Variants in DYNC1I1 observed in about 807,000 individuals in gnomAD.
DYNC1I1 encodes the protein dynein cytoplasmic 1 intermediate chain 1, also known as cytoplasmic dynein 1 intermediate chain 1.
A neutral mutation model predicts 86.6 loss-of-function variants in DYNC1I1; 43 were observed. That is an observed-to-expected ratio of 0.50 (90% CI 0.39 to 0.64). The LOEUF (loss-of-function observed/expected upper bound fraction) is 0.64, where lower values mean the gene tolerates loss of function less well. Among genes scored for constraint, DYNC1I1 ranks in the 30% least tolerant of loss-of-function variants. The pLI, the probability that DYNC1I1 is intolerant of heterozygous loss-of-function variation, is 0.00. For synonymous variants in DYNC1I1, 262 were observed against 283.7 expected (o/e 0.92, Z 0.77); for missense variants, 604 against 788.8 (o/e 0.77, Z 2.81).
At chr7:95,848,009 G>T (rs1002676918) in intron 5 of DYNC1I1, among the ~76,000 whole-genome samples, 1 of 151,836 alleles carries the variant, frequency 6.6e-6, no homozygotes, top group Non-Finnish European at 1.5e-5. Flanking sequence ...AAATAAAATT[G>T]TATGTATTTA....
chr7:96,074,550 C>CAAAAAAA (rs61571160), intron 14 of DYNC1I1, among the ~76,000 whole-genome samples: 1 of 66,950 alleles, frequency 1.5e-5, no homozygotes, highest in African/African-American at 5.2e-5. Flanking sequence ...GACTCCGTCT[C>CAAAAAAA]AAAAAAAAAA....
rs1000795411 is a variant in DYNC1I1, at chr7:96,053,745, T to TA, written c.1509+14324_1509+14325insA. On this transcript the variant is annotated intron_variant, in intron 14 of 16. Transcript: ENST00000447467. ...TTCACAATTTAGTGCATACTTACACTTTTTTTTAGAATAGGATATTGCTTT... is the reference window on the plus strand; with the variant it reads ...TTCACAATTTAGTGCATACTTACACTATTTTTTTAGAATAGGATATTGCTTT... Among the ~76,000 whole-genome samples the TA allele has an allele frequency of 1.9e-4, 17 of 90,220 alleles. 1 individual carries two copies. Among genetic ancestry groups the TA allele is most frequent in the African/African-American group, 5.8e-4 (13 of 22,244 alleles). The allele number at this position is 90,220 out of a possible 152,430, so 59.2% of individuals were successfully genotyped here.
rs548035375 is a variant in DYNC1I1 at position 95,985,769 on chromosome 7, C to A, written c.743+792C>A. On this transcript the variant is annotated intron_variant, in intron 8 of 16. Coordinates refer to ENST00000447467, the MANE Select transcript of DYNC1I1 (RefSeq NM_001135556.2). ...CAAATACATTCTTAAAGGACGATAT[C>A]TTATCATCATTGAGGATGCTCAAGG... 3.3e-5 allele frequency among the ~76,000 whole-genome samples: 5 copies of A among 152,162 alleles called. No homozygotes were observed. The East Asian group carries it at 7.8e-4, about 24-fold the overall frequency.
chr7:96,046,872 G>A (rs1184028181), intron 14 of DYNC1I1, among the ~76,000 whole-genome samples: 1 of 152,144 alleles, frequency 6.6e-6, no homozygotes, highest in Non-Finnish European at 1.5e-5. Context: ...GTTAGAGGTA[G>A]GAAATCAGTG....
Position 95,783,119 on chromosome 7 carries a change from C to T in DYNC1I1, c.-10+10346C>T, listed in dbSNP as rs145795435. ...TTGGTTTCCAGGCTTGAGGGTGGAG[C>T]GTTTGCTGGGAACCACCCTCTTCTA... On this transcript the variant is annotated intron_variant, in intron 1 of 16. Coordinates refer to ENST00000447467, the MANE Select transcript of DYNC1I1 (RefSeq NM_001135556.2). 5.6e-3 allele frequency among the ~76,000 whole-genome samples: 850 copies of T among 152,180 alleles called. 11 individuals carry two copies. Among genetic ancestry groups the T allele is most frequent in the Non-Finnish European group, 4.3e-3 (294 of 67,992 alleles).
intron 10 of DYNC1I1, among the ~76,000 whole-genome samples, chr7:96,025,036 C>T (rs1418814410): frequency 3.3e-5 from 5 of 152,008 alleles, no homozygotes; most frequent in Admixed American, 3.3e-4. Flanking sequence ...ATAAATATAT[C>T]TATACACATA....
intron 16 of DYNC1I1, among the ~76,000 whole-genome samples, chr7:96,092,935 G>T (rs548253860): frequency 3.9e-5 from 6 of 152,056 alleles, no homozygotes; most frequent in Non-Finnish European, 7.4e-5. Flanking sequence ...TCTCAAAGGG[G>T]TGAGTCTTGA....
chr7:95,907,498 C>T (rs1791206040), intron 6 of DYNC1I1, among the ~76,000 whole-genome samples: 1 of 152,290 alleles, frequency 6.6e-6, no homozygotes, highest in Middle Eastern at 3.4e-3. Context: ...TCACTCTTCA[C>T]TATGGTCAAA....
At chr7:95,810,229 A>G (rs1282368954) in intron 2 of DYNC1I1, among the ~76,000 whole-genome samples, 163 bp from the exon 3 acceptor site, 1 of 152,200 alleles carries the variant, frequency 6.6e-6, no homozygotes, top group Non-Finnish European at 1.5e-5. Context: ...TAATTATTAA[A>G]TGGGGCAATT....
chr7:96,030,366 G>GTGTGTT (rs1255954674), intron 11 of DYNC1I1, among the ~76,000 whole-genome samples: 1 of 142,064 alleles, frequency 7.0e-6, no homozygotes, highest in African/African-American at 2.5e-5. Flanking sequence ...GTGTGTGTGT[G>GTGTGTT]TGTGTGTGTG....
At chr7:95,781,542 C>T (rs1793994070) in intron 1 of DYNC1I1, among the ~76,000 whole-genome samples, 1 of 152,122 alleles carries the variant, frequency 6.6e-6, no homozygotes. Context: ...GTATAGTCTG[C>T]CCTGACTGAG....
intron 14 of DYNC1I1, 131 bp downstream of exon 14, chr7:96,039,552 G>A: frequency 9.1e-7 from 1 of 1,095,806 alleles, no homozygotes; most frequent in South Asian, 1.4e-5. Context: ...ACCTTCTGGT[G>A]AGCTCAGTCT....
At chr7:95,864,649 T>A (rs1211271069) in intron 5 of DYNC1I1, among the ~76,000 whole-genome samples, 1 of 152,178 alleles carries the variant, frequency 6.6e-6, no homozygotes, top group African/African-American at 2.4e-5. Context: ...GTCTGACTTT[T>A]TAGTTTTTTA....
chr7:96,048,785 T>C (rs1789296293), intron 14 of DYNC1I1, among the ~76,000 whole-genome samples: 1 of 152,184 alleles, frequency 6.6e-6, no homozygotes, highest in East Asian at 1.9e-4. Context: ...ATAATGAATA[T>C]GCTACATGTT....
intron 5 of DYNC1I1, among the ~76,000 whole-genome samples, chr7:95,853,971 C>T (rs571171907): frequency 6.6e-6 from 1 of 152,212 alleles, no homozygotes; most frequent in Non-Finnish European, 1.5e-5. Context: ...ATAGCTACTC[C>T]TCCCTCTTTT....
At chr7:96,083,459 A>G (rs1347638051) in intron 16 of DYNC1I1, among the ~76,000 whole-genome samples, 1 of 146,350 alleles carries the variant, frequency 6.8e-6, no homozygotes, top group African/African-American at 2.8e-5. Context: ...CACTTCTGAA[A>G]GAGGTAGATC....
downstream of DYNC1I1, among the ~76,000 whole-genome samples, chr7:96,100,367 CCTTCCTTCCTT>C (rs1255800277): frequency 7.1e-6 from 1 of 141,208 alleles, no homozygotes; most frequent in Non-Finnish European, 1.5e-5. Flanking sequence ...TTCCTTCCTT[CCTTCCTTCCTT>C]CTTTCCTTCC....
intron 1 of DYNC1I1, among the ~76,000 whole-genome samples, chr7:95,799,838 T>G (rs1340012575): frequency 1.3e-5 from 2 of 151,918 alleles, no homozygotes; most frequent in Non-Finnish European, 2.9e-5. Context: ...AGTAACACTT[T>G]TTAAATGATT....
intron 14 of DYNC1I1, among the ~76,000 whole-genome samples, chr7:96,044,874 G>A (rs1291992752): frequency 1.3e-5 from 2 of 152,124 alleles, no homozygotes; most frequent in Non-Finnish European, 2.9e-5. Flanking sequence ...CAGTGTGGTG[G>A]GTCCAGTTGC....
Sources: gnomAD v4.1 joint callset for allele counts (sites outside exome capture counted in the v4.1 genomes callset) on GRCh38, gnomAD v4.1.1 for gene constraint, MANE v1.5 for transcripts, NCBI Gene and HGNC (gene_info 2026-07-23, HGNC 2026-07-21) for gene names.